Variants in APOLD1 observed in about 807,000 individuals in gnomAD.
The protein encoded by APOLD1 is apolipoprotein L domain containing 1, also known as apolipoprotein L domain-containing protein 1.
A neutral mutation model predicts 15.3 loss-of-function variants in APOLD1; 22 were observed. That is an observed-to-expected ratio of 1.44 (90% confidence interval 1.03 to 2.05). APOLD1 has a LOEUF of 2.05. Ranked by LOEUF, APOLD1 falls within the 30% of genes most tolerant of loss-of-function variation. APOLD1 has a pLI of 0.00. For synonymous variants in APOLD1, 190 were observed against 167.4 expected (o/e 1.13, Z -1.04); for missense variants, 394 against 353.5 (o/e 1.11, Z -0.92).
chr12:12,752,905 C>A (rs138906587), intron 1 of APOLD1, among the ~76,000 whole-genome samples: 141 of 152,150 alleles, frequency 9.3e-4, no homozygotes, highest in African/African-American at 3.3e-3. Flanking sequence ...ATCTGTTTAG[C>A]CAGGTAATAG....
chr12:12,767,611 G>A (rs879918469), intron 1 of APOLD1, among the ~76,000 whole-genome samples: 7 of 151,924 alleles, frequency 4.6e-5, no homozygotes, highest in Admixed American at 2.0e-4. Flanking sequence ...CAGTGAGATC[G>A]TGCCACTGCA....
intron 1 of APOLD1, among the ~76,000 whole-genome samples, chr12:12,778,476 C>A (rs1228771950): frequency 1.4e-5 from 2 of 147,750 alleles, no homozygotes; most frequent in African/African-American, 5.0e-5. Flanking sequence ...CACACCTCCT[C>A]GTGTGGCTAA....
At chr12:12,777,775 G>A (rs1947047248) in intron 1 of APOLD1, among the ~76,000 whole-genome samples, 1 of 152,034 alleles carries the variant, frequency 6.6e-6, no homozygotes, top group Non-Finnish European at 1.5e-5. Flanking sequence ...GTCTCAACCT[G>A]TGTATCCAGA....
intron 1 of APOLD1, among the ~76,000 whole-genome samples, chr12:12,753,546 G>C (rs1186133936): frequency 6.6e-6 from 1 of 152,016 alleles, no homozygotes; most frequent in South Asian, 2.1e-4. Context: ...GTGTGTGCCT[G>C]TAATCCCAGC....
chr12:12,756,520 T>C (rs1307587798), intron 1 of APOLD1, among the ~76,000 whole-genome samples: 20 of 152,242 alleles, frequency 1.3e-4, no homozygotes. Context: ...TTTTAAAAAA[T>C]TGTGGTAAAC....
At chr12:12,762,991 T>C (rs933454121) in intron 1 of APOLD1, among the ~76,000 whole-genome samples, 15 of 151,620 alleles carry the variant, frequency 9.9e-5, no homozygotes, top group African/African-American at 3.6e-4. Context: ...AAAAGAAAAA[T>C]TTTAAAAGCC....
chr12:12,787,539 G>T lies in APOLD1; in HGVS notation c.634G>T (p.Ala212Ser). 1 of 1,613,862 alleles carries T rather than the reference G, an allele frequency of 6.2e-7. No homozygotes were observed. Among genetic ancestry groups the T allele is most frequent in the Non-Finnish European group, 8.5e-7 (1 of 1,180,048 alleles). ...CGAGAGCCTGGAGTCCTGCACCGGGGCTCTGGACGAACTCAGCGAGCAGCT... is the reference window on the plus strand; with the variant it reads ...CGAGAGCCTGGAGTCCTGCACCGGGTCTCTGGACGAACTCAGCGAGCAGCT... The part of the protein sequence containing the change: ...LAESLESCTG[A>S]LDELSEQLES... The change falls in exon 2 of 2, where the codon GCT (alanine) becomes TCT (serine). Residue 212 changes from alanine (A) to serine (S), a missense_variant. Ala to Ser is a moderately conservative substitution (Grantham distance 99, BLOSUM62 1). Coordinates refer to ENST00000356591, the MANE Select transcript of APOLD1 (RefSeq NM_030817.3). The surrounding 1 kb of genome is among the most constrained non-coding windows in gnomAD (Gnocchi z 4.9).
chr12:12,756,394 C>T (rs557115707), intron 1 of APOLD1, among the ~76,000 whole-genome samples: 9 of 152,326 alleles, frequency 5.9e-5, no homozygotes, highest in Admixed American at 2.6e-4. Flanking sequence ...AAGGATAATT[C>T]TAGGCCATCT....
chr12:12,766,452 G>C lies in APOLD1; in HGVS notation c.97-20457G>C, dbSNP rs145381150. Among the ~76,000 whole-genome samples, 619 of 152,310 alleles carry C rather than the reference G, an allele frequency of 4.1e-3. 5 individuals carry two copies. The highest frequency in any genetic ancestry group is 0.014 in the African/African-American group (583 of 41,558). ...CAAAGGACAAAGAATATTATAGATT[G>C]ATGAGCTAAAAATCACTTTTGCATT... is the stretch of plus-strand genomic sequence containing the variant. On this transcript the variant is annotated intron_variant, in intron 1 of 1. Transcript: ENST00000326765.
chr12:12,772,448 A>C (rs1946996161), intron 1 of APOLD1, among the ~76,000 whole-genome samples: 1 of 152,266 alleles, frequency 6.6e-6, no homozygotes, highest in South Asian at 2.1e-4. Context: ...TCCTTTACCC[A>C]GTGTATGCAC....
rs369268861 is a variant in APOLD1 at position 12,757,723 on chromosome 12, CT to C, written c.97-29184del. On this transcript the variant is annotated intron_variant, in intron 1 of 1. Transcript: ENST00000326765. ...GGTAATTCACGTAACATACAATTCA[CT>C]TATTTAAGGGGTACAATTCAATGGC... Among the ~76,000 whole-genome samples, 23 of 151,812 alleles carry C rather than the reference CT, an allele frequency of 1.5e-4. 1 individual carries two copies. In the East Asian group the frequency reaches 4.1e-3, roughly 27 times the overall value.
chr12:12,753,437 A>G (rs11055045), intron 1 of APOLD1, among the ~76,000 whole-genome samples: 10,188 of 152,224 alleles, frequency 0.067, 445 homozygotes, highest in East Asian at 0.21. Context: ...AGGCCAAGGA[A>G]GGATAGCTTG....
intron 1 of APOLD1, among the ~76,000 whole-genome samples, chr12:12,770,203 A>G (rs546605444): frequency 1.3e-5 from 2 of 152,306 alleles, no homozygotes; most frequent in Admixed American, 6.5e-5. Flanking sequence ...AAGTCAGTTC[A>G]AGACCAGCCT....
chr12:12,760,386 C>T (rs982317624), intron 1 of APOLD1, among the ~76,000 whole-genome samples: 3 of 151,628 alleles, frequency 2.0e-5, no homozygotes, highest in Non-Finnish European at 4.4e-5. Flanking sequence ...GCCTGTAATC[C>T]CAGCAGTTTG....
chr12:12,752,262 T>C (rs1419709657), intron 1 of APOLD1, among the ~76,000 whole-genome samples: 2 of 152,126 alleles, frequency 1.3e-5, no homozygotes, highest in Non-Finnish European at 1.5e-5. Context: ...CTCCTTCTCT[T>C]TGTTCTTTGG....
chr12:12,742,911 T>C (rs1946739174), intron 1 of APOLD1, among the ~76,000 whole-genome samples: 1 of 152,230 alleles, frequency 6.6e-6, no homozygotes, highest in South Asian at 2.1e-4. Flanking sequence ...ACTACAGGCA[T>C]GTGACACCAC....
Position 12,787,266 on chromosome 12 carries a change from C to A in APOLD1, c.361C>A (p.Gln121Lys). 5 of 1,595,626 alleles carry A rather than the reference C, an allele frequency of 3.1e-6. No homozygotes were observed. Among genetic ancestry groups the A allele is most frequent in the Non-Finnish European group, 4.3e-6 (5 of 1,172,794 alleles). ...CAACTCCCGGGAGCTGCGGAGGGTG[C>A]AGGAGATCGCGGCCACCTGCCAGGA... ...FCNSRELRRV[Q>K]EIAATCQDQM... The change falls in exon 2 of 2, where the codon CAG becomes AAG. Residue 121 changes from glutamine (Q) to lysine (K), a missense_variant. Coordinates refer to ENST00000356591, the MANE Select transcript of APOLD1 (RefSeq NM_030817.3). This position sits in a 1 kb window ranked among gnomAD's most constrained non-coding sequence, Gnocchi z 4.9.
chr12:12,774,350 G>A (rs528957285), intron 1 of APOLD1, among the ~76,000 whole-genome samples: 1 of 151,764 alleles, frequency 6.6e-6, no homozygotes, highest in South Asian at 2.1e-4. Flanking sequence ...TTTGAGACCA[G>A]CCTGGCCAAC....
intron 1 of APOLD1, among the ~76,000 whole-genome samples, chr12:12,731,106 A>T (rs1301316683): frequency 2.0e-5 from 3 of 152,108 alleles, no homozygotes; most frequent in Non-Finnish European, 4.4e-5. Context: ...GCACCACTGC[A>T]CTCCAGCCTG....
Sources: allele counts gnomAD v4.1 joint callset (sites outside exome capture counted in the v4.1 genomes callset), GRCh38; gene constraint gnomAD v4.1.1; non-coding constraint Gnocchi (gnomAD v3.1); transcripts MANE v1.5; gene names NCBI Gene and HGNC (gene_info 2026-07-23, HGNC 2026-07-21).